The following KIAA1549L variants were observed in gnomAD, a reference collection of about 807,000 sequenced individuals.
KIAA1549L encodes UPF0606 protein KIAA1549L.
A neutral mutation model predicts 160.7 loss-of-function variants in KIAA1549L; 88 were observed. That is an observed-to-expected ratio of 0.55 (90% CI 0.46 to 0.65). KIAA1549L has a LOEUF of 0.65. KIAA1549L is among the 30% of genes least tolerant of loss of function. The pLI is 0.00. For missense variants in KIAA1549L, 2,258 were observed against 2,437.5 expected (o/e 0.93, Z 1.55); for synonymous variants, 950 against 976.7 (o/e 0.97, Z 0.51).
chr11:33,411,018 A>G (rs1344236719), intron 1 of KIAA1549L, among the ~76,000 whole-genome samples: 1 of 151,372 alleles, frequency 6.6e-6, no homozygotes, highest in African/African-American at 2.5e-5. Context: ...TGGAAGGACC[A>G]GTTTAGGGGA....
chr11:33,414,675 C>A (rs1239298126), intron 1 of KIAA1549L, among the ~76,000 whole-genome samples: 1 of 152,178 alleles, frequency 6.6e-6, no homozygotes, highest in African/African-American at 2.4e-5. Context: ...AGCAAAACAA[C>A]AACAAGCGAC....
intron 10 of KIAA1549L, among the ~76,000 whole-genome samples, chr11:33,583,015 A>G (rs946888764): frequency 1.3e-5 from 2 of 152,126 alleles, no homozygotes; most frequent in African/African-American, 4.8e-5. Flanking sequence ...CCCTGGGGAA[A>G]ATTGTTACTG....
chr11:33,442,729 C>T (rs1232983115), intron 1 of KIAA1549L, among the ~76,000 whole-genome samples: 1 of 152,090 alleles, frequency 6.6e-6, no homozygotes, highest in Non-Finnish European at 1.5e-5. Flanking sequence ...AATTGTTAGT[C>T]CTTATTTGTT....
rs189979623 is a variant in KIAA1549L, at chr11:33,659,421, T to A, written c.6007+523T>A. On this transcript the variant is annotated intron_variant, in intron 19 of 20. Transcript: ENST00000658780. ...TCCAGGTTGCTATACACATACTATA[T>A]AGATCTAGTTCATTCATTTAAACTG... Among the ~76,000 whole-genome samples, 4 of 152,380 alleles carry A rather than the reference T, an allele frequency of 2.6e-5. No homozygotes were observed. In the East Asian group the frequency reaches 7.7e-4, roughly 29 times the overall value.
intron 1 of KIAA1549L, among the ~76,000 whole-genome samples, chr11:33,421,119 A>G (rs754628978): frequency 6.6e-6 from 1 of 152,218 alleles, no homozygotes; most frequent in Non-Finnish European, 1.5e-5. Context: ...GGGGAAGTGC[A>G]TTAATTCCCT....
At chr11:33,545,460 C>T in intron 3 of KIAA1549L, 82 bp downstream of exon 3, 1 of 1,440,758 alleles carries the variant, frequency 6.9e-7, no homozygotes, top group Non-Finnish European at 9.2e-7. Flanking sequence ...GATCAGTGGT[C>T]CTCAACCAGG....
At chr11:33,499,141 T>C (rs940080848) in intron 1 of KIAA1549L, among the ~76,000 whole-genome samples, 3 of 152,208 alleles carry the variant, frequency 2.0e-5, no homozygotes, top group African/African-American at 7.2e-5. Context: ...CTCTTTCCCA[T>C]TTCAGTTTCT....
chr11:33,485,606 A>G (rs546115746), intron 1 of KIAA1549L, among the ~76,000 whole-genome samples: 4 of 152,228 alleles, frequency 2.6e-5, no homozygotes, highest in Non-Finnish European at 4.4e-5. Flanking sequence ...GCTAATTAAC[A>G]TATCAGTTAC....
intron 4 of KIAA1549L, among the ~76,000 whole-genome samples, chr11:33,548,127 G>A (rs1217316928): frequency 6.6e-6 from 1 of 152,182 alleles, no homozygotes; most frequent in Non-Finnish European, 1.5e-5. Context: ...TTGGCCAGGT[G>A]GGTGGCTCAC....
intron 1 of KIAA1549L, among the ~76,000 whole-genome samples, chr11:33,459,565 G>T (rs1851896795): frequency 6.6e-6 from 1 of 152,146 alleles, no homozygotes; most frequent in South Asian, 2.1e-4. Flanking sequence ...AAGGAGTGAG[G>T]AGTTGAAAAG....
At chr11:33,521,556 G>A (rs1369920964) in intron 1 of KIAA1549L, among the ~76,000 whole-genome samples, 1 of 152,212 alleles carries the variant, frequency 6.6e-6, no homozygotes, top group Non-Finnish European at 1.5e-5. Flanking sequence ...TACTCAGCAG[G>A]CTTATTGAAT....
At chr11:33,378,857 C>T (rs1484483620) in intron 1 of KIAA1549L, among the ~76,000 whole-genome samples, 1 of 152,072 alleles carries the variant, frequency 6.6e-6, no homozygotes, top group East Asian at 1.9e-4. Flanking sequence ...TCTCTGATTT[C>T]CACTGGAGGC....
At chr11:33,640,176 T>C (rs1045561343) in intron 16 of KIAA1549L, among the ~76,000 whole-genome samples, 1 of 152,176 alleles carries the variant, frequency 6.6e-6, no homozygotes, top group African/African-American at 2.4e-5. Context: ...TGTATATGTG[T>C]GTATGTATTC....
intron 11 of KIAA1549L, among the ~76,000 whole-genome samples, chr11:33,586,737 T>C (rs1849889412): frequency 6.6e-6 from 1 of 152,114 alleles, no homozygotes; most frequent in Non-Finnish European, 1.5e-5. Context: ...GGATACTATC[T>C]ATAGGATACC....
At chr11:33,404,621 G>A (rs768358573) in intron 1 of KIAA1549L, among the ~76,000 whole-genome samples, 1 of 151,978 alleles carries the variant, frequency 6.6e-6, no homozygotes, top group Non-Finnish European at 1.5e-5. Flanking sequence ...AAGAGATGAA[G>A]GTCGTGAATA....
At chr11:33,600,489 C>G (rs1850328312) in intron 13 of KIAA1549L, among the ~76,000 whole-genome samples, 1 of 152,142 alleles carries the variant, frequency 6.6e-6, no homozygotes, top group Non-Finnish European at 1.5e-5. Flanking sequence ...TGACGGCCAT[C>G]ACCATCTATC....
At chr11:33,430,531 G>A (rs1015816422) in intron 1 of KIAA1549L, among the ~76,000 whole-genome samples, 4 of 152,164 alleles carry the variant, frequency 2.6e-5, no homozygotes, top group Admixed American at 2.0e-4. Context: ...TTTGAAAAGC[G>A]ATTTTACATT....
Position 33,656,104 on chromosome 11 carries a change from C to G in KIAA1549L, c.5853C>G (p.Leu1951=). The G allele has an allele frequency of 6.2e-7, 1 of 1,610,954 alleles. No homozygotes were observed. The highest frequency in any genetic ancestry group is 8.5e-7 in the Non-Finnish European group (1 of 1,177,354). The change falls in exon 18 of 21, where the codon CTC becomes CTG. Residue 1951 remains leucine, a synonymous_variant. Transcript: ENST00000658780. ...CTGGTCCTGTGGCTGTCGCTTCTCT[C>G]AGGCGGTAACACGTTCCTTTCTTTG... is the stretch of plus-strand genomic sequence containing the variant. ...PRTGPVAVAS[L]RRSTSDIGSK...
Position 33,547,791 on chromosome 11 carries a change from A to G in KIAA1549L, c.3413A>G (p.Gln1138Arg). ...TVLFLTQRRV[Q>R]ISESLKFSIA... The stretch of plus-strand genomic sequence containing the variant: ...CTCTTTCTCACCCAAAGGAGAGTGC[A>G]GATCAGTGAATCCTTGAAGTTCAGT... The change falls in exon 4 of 21, where the codon CAG becomes CGG. Residue 1138 changes from glutamine (Q) to arginine (R), a missense_variant. Gln to Arg is a conservative substitution (Grantham distance 43, BLOSUM62 1). Transcript: ENST00000658780. 1.2e-6 allele frequency: 2 copies of G among 1,613,240 alleles called. No individual in the cohort carries two copies. The highest frequency in any genetic ancestry group is 1.7e-6 in the Non-Finnish European group (2 of 1,179,378).
Sources: gnomAD v4.1 joint callset for allele counts (sites outside exome capture counted in the v4.1 genomes callset) on GRCh38, gnomAD v4.1.1 for gene constraint, MANE v1.5 for transcripts, NCBI Gene and HGNC (gene_info 2026-07-23, HGNC 2026-07-21) for gene names.